Variants in OLFM3 observed in about 807,000 individuals in gnomAD.
The protein encoded by OLFM3 is noelin-3.
A neutral mutation model predicts 48.6 loss-of-function variants in OLFM3; 20 were observed. That is an observed-to-expected ratio of 0.41 (90% CI 0.29 to 0.60). The LOEUF (loss-of-function observed/expected upper bound fraction) is 0.60, where lower values mean the gene tolerates loss of function less well. Ranked by LOEUF, OLFM3 falls within the 20% of genes least tolerant of loss-of-function variation. The pLI is 0.28. For missense variants in OLFM3, 437 were observed against 544.3 expected, an observed-to-expected ratio of 0.80 and a Z score of 1.96; for synonymous variants, 222 against 198.1, an observed-to-expected ratio of 1.12 and a Z score of -1.01.
Position 101,996,800 on chromosome 1 carries a change from T to C in OLFM3, c.17A>G (p.Asn6Ser), listed in dbSNP as rs760547171. The change falls in exon 1 of 6, where the codon AAC becomes AGC. Residue 6 changes from asparagine to serine, a missense_variant. Around this residue, in one of 3 missense-constraint regions of OLFM3, gnomAD observed 314 missense variants for 365.5 expected, o/e 0.86. Transcript: ENST00000370103. Reference sequence around the variant, plus strand: ...AGACAGCAGCAGGAGGTTGAGAAGGTTGGACGTCGCCTGCATTCTGATCTG... The same window carrying C: ...AGACAGCAGCAGGAGGTTGAGAAGGCTGGACGTCGCCTGCATTCTGATCTG... MQATS[N>S]LLNLLLLSLF... The C allele has an allele frequency of 5.0e-6, 8 of 1,614,222 alleles. No homozygotes were observed. The highest frequency in any genetic ancestry group is 2.2e-5 in the East Asian group (1 of 44,880).
intron 4 of OLFM3, among the ~76,000 whole-genome samples, chr1:101,807,864 C>G (rs1653855788): frequency 1.3e-5 from 2 of 151,728 alleles, no homozygotes; most frequent in South Asian, 4.1e-4. Context: ...TGCATTAAGC[C>G]TATTTAGAAT....
chr1:101,940,073 T>C (rs112797575), intron 1 of OLFM3, among the ~76,000 whole-genome samples: 1 of 152,152 alleles, frequency 6.6e-6, no homozygotes, highest in East Asian at 1.9e-4. Context: ...TGGGAATTCA[T>C]ATGGGCCAGT....
chr1:101,865,332 C>T (rs569869820), intron 1 of OLFM3, among the ~76,000 whole-genome samples: 132 of 152,308 alleles, frequency 8.7e-4, no homozygotes, highest in African/African-American at 3.0e-3. Context: ...TGCGGGCTTA[C>T]TTTCAAAGTC....
chr1:101,887,057 C>T (rs930332265), intron 1 of OLFM3, among the ~76,000 whole-genome samples: 1 of 151,842 alleles, frequency 6.6e-6, no homozygotes, highest in Non-Finnish European at 1.5e-5. Flanking sequence ...TTAATTTAGA[C>T]CATTTTTTCA....
At chr1:101,814,550 C>A (rs1654235430) in intron 4 of OLFM3, among the ~76,000 whole-genome samples, 1 of 152,134 alleles carries the variant, frequency 6.6e-6, no homozygotes, top group African/African-American at 2.4e-5. Context: ...ATCTTATTGA[C>A]AAGAGAAGGA....
chr1:101,869,915 G>T (rs576411861), intron 1 of OLFM3, among the ~76,000 whole-genome samples: 1 of 152,234 alleles, frequency 6.6e-6, no homozygotes, highest in African/African-American at 2.4e-5. Context: ...GCAGAAGTGT[G>T]AGTCAATTAA....
chr1:101,905,015 G>A (rs563285377), intron 1 of OLFM3, among the ~76,000 whole-genome samples: 15 of 152,198 alleles, frequency 9.9e-5, no homozygotes, highest in African/African-American at 3.1e-4. Flanking sequence ...AAGATAAAAC[G>A]AACCTTTCCA....
At chr1:101,821,633 A>T (rs1654611548) in intron 4 of OLFM3, among the ~76,000 whole-genome samples, 1 of 152,116 alleles carries the variant, frequency 6.6e-6, no homozygotes. Flanking sequence ...AGTTATTGAG[A>T]TAAAAAGCAT....
At chr1:101,946,052 C>T (rs1659954286) in intron 1 of OLFM3, among the ~76,000 whole-genome samples, 1 of 152,064 alleles carries the variant, frequency 6.6e-6, no homozygotes, top group African/African-American at 2.4e-5. Context: ...TCAGAAAATG[C>T]CTGAGGTTAG....
At chr1:101,906,887 C>T (rs899921168) in intron 1 of OLFM3, among the ~76,000 whole-genome samples, 1 of 152,176 alleles carries the variant, frequency 6.6e-6, no homozygotes, top group Non-Finnish European at 1.5e-5. Context: ...CACACATACA[C>T]AAACATGCAT....
At chr1:101,864,402 C>A (rs1407761291) in intron 1 of OLFM3, among the ~76,000 whole-genome samples, 1 of 152,124 alleles carries the variant, frequency 6.6e-6, no homozygotes, top group African/African-American at 2.4e-5. Flanking sequence ...AGCTCAGCTA[C>A]CTCAATCTAT....
intron 4 of OLFM3, among the ~76,000 whole-genome samples, chr1:101,815,582 T>C (rs1280178311): frequency 6.6e-6 from 1 of 150,428 alleles, no homozygotes; most frequent in African/African-American, 2.5e-5. Context: ...AGGCTTTGGA[T>C]TAGATGTGAG....
chr1:101,957,384 A>C (rs1244205705), intron 1 of OLFM3, among the ~76,000 whole-genome samples: 3 of 151,992 alleles, frequency 2.0e-5, no homozygotes, highest in African/African-American at 7.2e-5. Flanking sequence ...TTAGCTCACT[A>C]TCCCTAAACC....
At chr1:101,948,532 T>C (rs925610679) in intron 1 of OLFM3, among the ~76,000 whole-genome samples, 2 of 152,212 alleles carry the variant, frequency 1.3e-5, no homozygotes, top group Admixed American at 6.5e-5. Flanking sequence ...AATTATTTTT[T>C]AGTTTAGTGC....
At chr1:101,898,869 A>T (rs561481693) in intron 1 of OLFM3, among the ~76,000 whole-genome samples, 43 of 152,266 alleles carry the variant, frequency 2.8e-4, no homozygotes, top group African/African-American at 9.6e-4. Flanking sequence ...AAACAAACAA[A>T]AAAAACAGAA....
chr1:101,836,768 G>C, intron 2 of OLFM3, 111 bp downstream of exon 2: 1 of 1,113,752 alleles, frequency 9.0e-7, no homozygotes, highest in East Asian at 2.4e-5. Flanking sequence ...ATCTGAGAAG[G>C]GGGACAAAAA....
chr1:101,926,964 T>A (rs894871168), intron 1 of OLFM3, among the ~76,000 whole-genome samples: 1 of 152,138 alleles, frequency 6.6e-6, no homozygotes, highest in African/African-American at 2.4e-5. Context: ...ATTGGAAGAA[T>A]AATACAATCG....
At chr1:101,937,676 C>A (rs1379918345) in intron 1 of OLFM3, among the ~76,000 whole-genome samples, 1 of 152,186 alleles carries the variant, frequency 6.6e-6, no homozygotes, top group African/African-American at 2.4e-5. Context: ...CATTAAACCT[C>A]TTTTTCCTCC....
chr1:101,842,252 G>A (rs534031059), intron 1 of OLFM3, among the ~76,000 whole-genome samples: 3 of 152,254 alleles, frequency 2.0e-5, no homozygotes, highest in Non-Finnish European at 4.4e-5. Flanking sequence ...TCAAATTTAG[G>A]TTAGGGTGCA....
Sources: allele counts gnomAD v4.1 joint callset (sites outside exome capture counted in the v4.1 genomes callset), GRCh38; gene constraint gnomAD v4.1.1; regional missense constraint gnomAD v4.1.1; transcripts MANE v1.5; gene names NCBI Gene and HGNC (gene_info 2026-07-23, HGNC 2026-07-21).